The following SLC19A2 variants were observed in gnomAD, a reference collection of about 807,000 sequenced individuals.
SLC19A2 encodes the protein thiamine transporter 1.
SLC19A2 carries 27 observed loss-of-function variants against 44.7 expected under a neutral mutation model. That is an observed-to-expected ratio of 0.60 (90% CI 0.45 to 0.83). SLC19A2 has a LOEUF of 0.83. Among genes scored for constraint, SLC19A2 ranks in the 40% least tolerant of loss-of-function variants. The pLI, the probability that SLC19A2 is intolerant of heterozygous loss-of-function variation, is 0.00. For synonymous variants in SLC19A2, 239 were observed against 243.6 expected (o/e 0.98, Z 0.18); for missense variants, 566 against 613.7 (o/e 0.92, Z 0.82).
chr1:169,477,389 A>G lies in SLC19A2; in HGVS notation c.573T>C (p.Asn191=). Residue 191 remains asparagine (N), a synonymous_variant, in exon 2 of 6, where the codon AAT becomes AAC. Coordinates refer to ENST00000236137, the MANE Select transcript of SLC19A2 (RefSeq NM_006996.3). ...CTGAAACACAGGTAAGAGAGATGAC[A>G]TTCAGGCTGAACAGCGACCAGCCTG... ...SVAGWSLFSL[N]VISLTCVSVA... 1.9e-6 allele frequency: 3 copies of G among 1,614,188 alleles called. No individual in the cohort carries two copies. Among genetic ancestry groups the G allele is most frequent in the Non-Finnish European group, 2.5e-6 (3 of 1,180,042 alleles).
Position 169,485,762 on chromosome 1 carries a change from T to C in SLC19A2, c.5A>G (p.Asp2Gly), listed in dbSNP as rs1427770805. 4 of 1,531,660 alleles carry C rather than the reference T, an allele frequency of 2.6e-6. No homozygotes were observed. The highest frequency in any genetic ancestry group is 1.2e-5 in the South Asian group (1 of 83,640). 94.9% of individuals were successfully genotyped at this position (1,531,660 alleles called of 1,614,324 possible). M[D>G]VPGPVSRRAA... ...CCGCCGAGACACCGGGCCGGGCACA[T>C]CCATCCGGGGCGCGAGGGGAGGGGA... is the stretch of plus-strand genomic sequence containing the variant. The change falls in exon 1 of 6, where the codon GAT becomes GGT. Residue 2 changes from aspartate to glycine, a missense_variant. By Grantham distance (94) the Asp-to-Gly change is moderately conservative (BLOSUM62 -1). Coordinates refer to ENST00000236137, the MANE Select transcript of SLC19A2 (RefSeq NM_006996.3).
In SLC19A2 at chr1:169,485,884, GT is replaced by G; in HGVS notation, c.-119del. ...CGCCTTCTCCCTGTAAGGCCAGGACGTTCTGGACTCGCCGCCGCCTCCGGCT... is the reference window on the plus strand; with the variant it reads ...CGCCTTCTCCCTGTAAGGCCAGGACGTCTGGACTCGCCGCCGCCTCCGGCT... On this transcript the variant is annotated 5_prime_UTR_variant, in exon 1 of 6. Transcript: ENST00000236137. 4 of 1,207,034 alleles carry G rather than the reference GT, an allele frequency of 3.3e-6. No individual in the cohort carries two copies. The highest frequency in any genetic ancestry group is 4.5e-6 in the Non-Finnish European group (4 of 888,808). The allele number at this position is 1,207,034 out of a possible 1,614,324, so 74.8% of individuals were successfully genotyped here.
intron 1 of SLC19A2, among the ~76,000 whole-genome samples, chr1:169,482,801 T>G (rs866761343): frequency 2.6e-5 from 4 of 152,150 alleles, no homozygotes; most frequent in Admixed American, 2.0e-4. Context: ...TAGATTAATA[T>G]GAATGGAGCT....
intron 3 of SLC19A2, chr1:169,469,051 G>A (rs1390711940): frequency 3.6e-6 from 2 of 551,466 alleles, no homozygotes; most frequent in Non-Finnish European, 3.2e-6. Context: ...AATTAGGAGA[G>A]GTGGCAATGA....
chr1:169,475,818 C>T (rs1259257217), intron 2 of SLC19A2, among the ~76,000 whole-genome samples: 2 of 152,160 alleles, frequency 1.3e-5, no homozygotes, highest in East Asian at 3.8e-4. Flanking sequence ...GGATGATAAC[C>T]TAAATTTCAA....
chr1:169,465,734 G>T lies in SLC19A2; in HGVS notation c.*115C>A. On this transcript the variant is annotated 3_prime_UTR_variant, in exon 6 of 6. Coordinates refer to ENST00000236137, the MANE Select transcript of SLC19A2 (RefSeq NM_006996.3). ...ACAAGGTATTAGTCAAGTGGCTGCT[G>T]TGAAGTCAAGAAATGCACATTCATA... is the stretch of plus-strand genomic sequence containing the variant. 1 of 1,156,878 alleles carries T rather than the reference G, an allele frequency of 8.6e-7. No homozygotes were observed. Among genetic ancestry groups the T allele is most frequent in the Non-Finnish European group, 1.3e-6 (1 of 778,754 alleles). The allele number at this position is 1,156,878 out of a possible 1,614,324, so 71.7% of individuals were successfully genotyped here. A position where few individuals can be genotyped will look rare whatever the true frequency, so the allele number is the denominator to read the frequency against.
chr1:169,466,076 T>C, intron 5 of SLC19A2, 99 bp from the exon 6 acceptor site: 1 of 1,415,830 alleles, frequency 7.1e-7, no homozygotes, highest in Middle Eastern at 1.8e-4. Context: ...TCAAAAAATA[T>C]TGCATACTTA....
chr1:169,466,116 G>T, intron 5 of SLC19A2, 139 bp from the exon 6 acceptor site: 1 of 947,306 alleles, frequency 1.1e-6, no homozygotes. Context: ...AAGACACAAA[G>T]CAGCATCACA....
At chr1:169,473,086 G>A (rs1051070069) in intron 2 of SLC19A2, among the ~76,000 whole-genome samples, 2 of 152,018 alleles carry the variant, frequency 1.3e-5, no homozygotes, top group Admixed American at 6.6e-5. Context: ...TTATCATAAC[G>A]GGCATCTAGT....
intron 1 of SLC19A2, 134 bp from the exon 2 acceptor site, chr1:169,477,891 T>A: frequency 1.1e-6 from 1 of 922,486 alleles, no homozygotes; most frequent in Non-Finnish European, 1.6e-6. Flanking sequence ...GCAGTTCAGA[T>A]AACTTTGAAA....
Position 169,485,883 on chromosome 1 carries a change from C to G in SLC19A2, c.-117G>C. On this transcript the variant is annotated 5_prime_UTR_variant, in exon 1 of 6. Transcript: ENST00000236137. ...ACGCCTTCTCCCTGTAAGGCCAGGA[C>G]GTTCTGGACTCGCCGCCGCCTCCGG... The G allele has an allele frequency of 8.4e-7, 1 of 1,192,368 alleles. No individual in the cohort carries two copies. Among genetic ancestry groups the G allele is most frequent in the Non-Finnish European group, 1.1e-6 (1 of 875,368 alleles). 73.9% of individuals were successfully genotyped at this position (1,192,368 alleles called of 1,614,324 possible).
chr1:169,477,494 T>C lies in SLC19A2; in HGVS notation c.468A>G (p.Lys156=). ...TGGCACTTCGACAGTAACTTGTGAC[T>C]TTCTGGTACATGCCCAGGTCCACCA... is the stretch of plus-strand genomic sequence containing the variant. The part of the protein sequence containing the change: ...YSVVDLGMYQ[K]VTSYCRSATL... The change falls in exon 2 of 6, where the codon AAA becomes AAG. Residue 156 remains lysine (K), a synonymous_variant. Transcript: ENST00000236137. 1 of 1,614,184 alleles carries C rather than the reference T, an allele frequency of 6.2e-7. No homozygotes were observed. The highest frequency in any genetic ancestry group is 1.1e-5 in the South Asian group (1 of 91,086).
chr1:169,469,082 A>G (rs1658107717), intron 3 of SLC19A2: 1 of 498,568 alleles, frequency 2.0e-6, no homozygotes, highest in South Asian at 2.3e-5. Flanking sequence ...CAGGACAAAG[A>G]CACAGGGACA....
At chr1:169,484,108 G>A (rs1400827360) in intron 1 of SLC19A2, among the ~76,000 whole-genome samples, 1 of 152,126 alleles carries the variant, frequency 6.6e-6, no homozygotes, top group Non-Finnish European at 1.5e-5. Context: ...AGGTCAATAG[G>A]GTAATTTAAG....
rs115828329 is a variant in SLC19A2 at position 169,480,896 on chromosome 1, G to A, written c.205-3139C>T. Among the ~76,000 whole-genome samples the A allele has an allele frequency of 3.5e-3, 525 of 152,158 alleles. 4 individuals carry two copies. The highest frequency in any genetic ancestry group is 0.012 in the African/African-American group (497 of 41,498). ...TCATCCTTTAAATTATCAATTTAACGTATCTTTACTCATGAGTCTAATTCT... is the reference window on the plus strand; with the variant it reads ...TCATCCTTTAAATTATCAATTTAACATATCTTTACTCATGAGTCTAATTCT... On this transcript the variant is annotated intron_variant, in intron 1 of 5. Transcript: ENST00000236137.
At position 169,465,806 on chromosome 1, in the gene SLC19A2, T is replaced by C; in HGVS notation, c.*43A>G. On this transcript the variant is annotated 3_prime_UTR_variant, in exon 6 of 6. Transcript: ENST00000236137. ...AAATCAAACACATCCAGGCAGTTGCTGTGCAGAGTTCTTGCTATAAGAAGA... is the reference window on the plus strand; with the variant it reads ...AAATCAAACACATCCAGGCAGTTGCCGTGCAGAGTTCTTGCTATAAGAAGA... 6.2e-7 allele frequency: 1 copy of C among 1,608,208 alleles called. No homozygotes were observed. The highest frequency in any genetic ancestry group is 1.7e-5 in the Admixed American group (1 of 60,012).
In SLC19A2 at chr1:169,465,056, T is replaced by C. The variant is rs1293507921; in HGVS notation, c.*793A>G. On this transcript the variant is annotated 3_prime_UTR_variant, in exon 6 of 6. Coordinates refer to ENST00000236137, the MANE Select transcript of SLC19A2 (RefSeq NM_006996.3). ...AATTAATAGTCCTTCATATTGAAGA[T>C]TTAAAGACAAGCAAGCGTACCTTAA... 4 of 152,204 alleles carry C rather than the reference T, an allele frequency of 2.6e-5. No homozygotes were observed. Among genetic ancestry groups the C allele is most frequent in the Non-Finnish European group, 5.9e-5 (4 of 68,024 alleles). The allele number at this position is 152,204 out of a possible 1,614,324, so 9.4% of individuals were successfully genotyped here. A position where few individuals can be genotyped will look rare whatever the true frequency, so the allele number is the denominator to read the frequency against.
rs1215552336 is a variant in SLC19A2 at position 169,464,164 on chromosome 1, T to C, written c.*1685A>G. On this transcript the variant is annotated 3_prime_UTR_variant, in exon 6 of 6. Coordinates refer to ENST00000236137, the MANE Select transcript of SLC19A2 (RefSeq NM_006996.3). ...TTTGAATTAAATTCCAGGGAAATAT[T>C]GCTTTGGTAACATGAACAATTTGTA... 6.6e-6 allele frequency: 1 copy of C among 152,582 alleles called. No homozygotes were observed. Among genetic ancestry groups the C allele is most frequent in the Non-Finnish European group, 1.5e-5 (1 of 67,998 alleles). 9.5% of individuals were successfully genotyped at this position (152,582 alleles called of 1,614,324 possible).
rs1265771719 is a variant in SLC19A2 at position 169,477,610 on chromosome 1, C to T, written c.352G>A (p.Ala118Thr). The T allele has an allele frequency of 6.2e-7, 1 of 1,614,080 alleles. No individual in the cohort carries two copies. The highest frequency in any genetic ancestry group is 2.2e-5 in the East Asian group (1 of 44,874). Residue 118 changes from alanine to threonine, a missense_variant, in exon 2 of 6, where the codon GCC becomes ACC. Coordinates refer to ENST00000236137, the MANE Select transcript of SLC19A2 (RefSeq NM_006996.3). ...LIVTWFMLLY[A>T]QGLLAIQFLE... Reference sequence around the variant, plus strand: ...AATTGAATGGCCAGCAGTCCCTGGGCATAGAGCAGCATAAACCATGTAACA... The same window carrying T: ...AATTGAATGGCCAGCAGTCCCTGGGTATAGAGCAGCATAAACCATGTAACA...
Sources: gnomAD v4.1 joint callset for allele counts (sites outside exome capture counted in the v4.1 genomes callset) on GRCh38, gnomAD v4.1.1 for gene constraint, MANE v1.5 for transcripts, NCBI Gene and HGNC (gene_info 2026-07-23, HGNC 2026-07-21) for gene names.